PRKCB: variants seen among roughly 807,000 people sequenced by gnomAD.
PRKCB encodes protein kinase C beta type.
Under a neutral mutation model 81.5 loss-of-function variants are expected in PRKCB, and 13 were observed. That is an observed-to-expected ratio of 0.16 (90% CI 0.10 to 0.25). The LOEUF is 0.25. Among genes scored for constraint, PRKCB ranks in the 10% least tolerant of loss-of-function variants. The probability of loss-of-function intolerance (pLI) is 1.00; values close to 1 mark genes in which losing one functional copy is unlikely to be tolerated. For missense variants in PRKCB, 509 were observed against 875.7 expected, an observed-to-expected ratio of 0.58 and a Z score of 5.29; for synonymous variants, 335 against 321.4, an observed-to-expected ratio of 1.04 and a Z score of -0.45.
intron 2 of PRKCB, among the ~76,000 whole-genome samples, chr16:23,887,207 G>A (rs1309173042): frequency 6.6e-6 from 1 of 152,076 alleles, no homozygotes; most frequent in African/African-American, 2.4e-5. Flanking sequence ...AACATATTTT[G>A]TTTTTTATTT....
Position 24,191,307 on chromosome 16 carries a change from G to T in PRKCB, c.1863+77G>T, listed in dbSNP as rs1278033434. On this transcript the variant is annotated intron_variant, in intron 16 of 16. Transcript: ENST00000643927. ...TGCCTGTGCCTCATGTTTTCCAAAT[G>T]CTCCCTGAGGGGTAGACGTCAATGT... is the stretch of plus-strand genomic sequence containing the variant. 3.2e-6 allele frequency: 5 copies of T among 1,544,088 alleles called. No homozygotes were observed. The East Asian group carries it at 1.1e-4, about 35-fold the overall frequency.
intron 8 of PRKCB, 30 bp downstream of exon 8, chr16:24,113,099 C>A: frequency 6.5e-7 from 1 of 1,541,292 alleles, no homozygotes; most frequent in Non-Finnish European, 8.9e-7. Flanking sequence ...TCTCTTCTTT[C>A]TTTTTTCTCT....
chr16:24,167,050 C>A (rs1321626173), intron 10 of PRKCB, among the ~76,000 whole-genome samples: 1 of 151,780 alleles, frequency 6.6e-6, no homozygotes, highest in Non-Finnish European at 1.5e-5. Flanking sequence ...CCAATGCCAT[C>A]TGCTAGCTTT....
At chr16:23,886,040 A>G (rs1344939673) in intron 2 of PRKCB, among the ~76,000 whole-genome samples, 1 of 152,162 alleles carries the variant, frequency 6.6e-6, no homozygotes, top group South Asian at 2.1e-4. Flanking sequence ...GAATCCTCAA[A>G]CCAACTCTTT....
At chr16:24,000,295 C>T (rs1291940410) in intron 3 of PRKCB, among the ~76,000 whole-genome samples, 1 of 152,190 alleles carries the variant, frequency 6.6e-6, no homozygotes, top group African/African-American at 2.4e-5. Context: ...TAGATGGCCT[C>T]ATCAAAAGAA....
At position 23,928,907 on chromosome 16, in the gene PRKCB, C is replaced by T. The variant is rs1291251006; in HGVS notation, c.206-59601C>T. Among the ~76,000 whole-genome samples, 79 of 151,798 alleles carry T rather than the reference C, an allele frequency of 5.2e-4. 1 individual carries two copies. The highest frequency in any genetic ancestry group is 2.1e-4 in the South Asian group (1 of 4,816). Reference sequence around the variant, plus strand: ...CTAATTTTTGTATTTTTAGTAGAGACGGGGTTTTGCCATGTTGGCCAGGCT... The same window carrying T: ...CTAATTTTTGTATTTTTAGTAGAGATGGGGTTTTGCCATGTTGGCCAGGCT... On this transcript the variant is annotated intron_variant, in intron 2 of 16. Coordinates refer to ENST00000643927, the MANE Select transcript of PRKCB (RefSeq NM_002738.7).
At chr16:23,968,456 G>A (rs1377593757) in intron 2 of PRKCB, among the ~76,000 whole-genome samples, 1 of 152,180 alleles carries the variant, frequency 6.6e-6, no homozygotes, top group East Asian at 1.9e-4. Context: ...GGGCTAAGAA[G>A]GAAGGCATCG....
At chr16:24,198,525 C>A (rs777587313) in intron 16 of PRKCB, among the ~76,000 whole-genome samples, 9 of 152,026 alleles carry the variant, frequency 5.9e-5, no homozygotes, top group Non-Finnish European at 1.0e-4. Flanking sequence ...TTTGTTTTTT[C>A]ATTGTTTTTA....
intron 9 of PRKCB, among the ~76,000 whole-genome samples, chr16:24,143,611 T>C (rs552809774): frequency 1.4e-3 from 219 of 152,246 alleles, no homozygotes; most frequent in African/African-American, 5.1e-3. Flanking sequence ...CTACAGTATA[T>C]ACACATGAGC....
chr16:24,168,073 T>A (rs976349498), intron 10 of PRKCB, among the ~76,000 whole-genome samples: 1 of 152,234 alleles, frequency 6.6e-6, no homozygotes, highest in African/African-American at 2.4e-5. Context: ...CTGTTACATA[T>A]AAGATAAAGT....
chr16:23,982,076 T>TC (rs1964733552), intron 2 of PRKCB, among the ~76,000 whole-genome samples: 1 of 93,718 alleles, frequency 1.1e-5, no homozygotes, highest in Admixed American at 1.2e-4. Context: ...CTCTTTCCCT[T>TC]CCCTTTCCCT....
intron 2 of PRKCB, among the ~76,000 whole-genome samples, chr16:23,896,920 CCATCCACT>C (rs1963388930): frequency 7.1e-6 from 1 of 141,608 alleles, no homozygotes; most frequent in African/African-American, 2.6e-5. Flanking sequence ...ATCCATCCAT[CCATCCACT>C]CATCCATCCA....
At chr16:24,174,666 T>A in intron 12 of PRKCB, 86 bp downstream of exon 12, 1 of 1,287,022 alleles carries the variant, frequency 7.8e-7, no homozygotes, top group South Asian at 1.3e-5. Context: ...CTTTTAAAAT[T>A]AGAATCCGCG....
intron 2 of PRKCB, chr16:23,893,899 C>A (rs1367856104): frequency 2.0e-5 from 3 of 152,170 alleles, no homozygotes; most frequent in Non-Finnish European, 4.4e-5. Context: ...CTGAATACTC[C>A]TAAGGATAAG....
intron 5 of PRKCB, among the ~76,000 whole-genome samples, chr16:24,051,783 G>A (rs750330493): frequency 6.6e-6 from 1 of 152,134 alleles, no homozygotes; most frequent in Non-Finnish European, 1.5e-5. Flanking sequence ...TCAGGAGACT[G>A]AGGAAGGAGG....
chr16:24,077,193 T>G (rs1596538643), intron 5 of PRKCB, among the ~76,000 whole-genome samples: 1 of 152,218 alleles, frequency 6.6e-6, no homozygotes, highest in African/African-American at 2.4e-5. Flanking sequence ...CACGTGTGTG[T>G]GTGTCTGTGT....
chr16:24,088,715 A>C (rs1966338524), intron 5 of PRKCB, among the ~76,000 whole-genome samples: 2 of 25,630 alleles, frequency 7.8e-5, no homozygotes, highest in South Asian at 6.5e-4. Flanking sequence ...ACCCTGTGTC[A>C]AAAAAAAAAA....
rs55986931 is a variant in PRKCB at position 23,950,132 on chromosome 16, A to AGTTTTTTTTTTT, written c.206-38376_206-38375insGTTTTTTTTTTT. Among the ~76,000 whole-genome samples the AGTTTTTTTTTTT allele has an allele frequency of 7.0e-4, 68 of 97,774 alleles. 21 individuals carry two copies. Among genetic ancestry groups the AGTTTTTTTTTTT allele is most frequent in the African/African-American group, 9.5e-4 (23 of 24,120 alleles). The allele number at this position is 97,774 out of a possible 152,430, so 64.1% of individuals were successfully genotyped here. A position where few individuals can be genotyped will look rare whatever the true frequency, so the allele number is the denominator to read the frequency against. The stretch of plus-strand genomic sequence containing the variant: ...AGCAGCATTGGCCCCTATGATTTGA[A>AGTTTTTTTTTTT]TTTTTTTTTTTTTTTTTTTTTTTTT... On this transcript the variant is annotated intron_variant, in intron 2 of 16. Transcript: ENST00000643927.
At chr16:23,945,723 AAAAAAGAAAAAG>A (rs55928068) in intron 2 of PRKCB, among the ~76,000 whole-genome samples, 17 of 149,868 alleles carry the variant, frequency 1.1e-4, no homozygotes, top group Non-Finnish European at 1.6e-4. Flanking sequence ...GCTCTCTGGT[AAAAAAGAAAAAG>A]AAAAAGAAAA....
Sources: allele counts gnomAD v4.1 joint callset (sites outside exome capture counted in the v4.1 genomes callset), GRCh38; gene constraint gnomAD v4.1.1; transcripts MANE v1.5; gene names NCBI Gene and HGNC (gene_info 2026-07-23, HGNC 2026-07-21).